Variants in NALF1 observed in about 807,000 individuals in gnomAD.
NALF1 encodes family with sequence similarity 155 member A.
In NALF1, 3 loss-of-function variants were observed where a neutral mutation model predicts 48.4. The observed-to-expected ratio is 0.06, with a 90% CI of 0.03 to 0.16. NALF1 has a LOEUF of 0.16. Among genes scored for constraint, NALF1 ranks in the 10% least tolerant of loss-of-function variants. The pLI is 1.00. For missense variants in NALF1, 526 were observed against 571.5 expected, an observed-to-expected ratio of 0.92 and a Z score of 0.81; for synonymous variants, 262 against 245.7, an observed-to-expected ratio of 1.07 and a Z score of -0.62.
At position 107,165,223 on chromosome 13, in the gene NALF1, A is replaced by G. The variant is rs1300754470; in HGVS notation, c.*5274T>C. 6.6e-6 allele frequency: 1 copy of G among 152,238 alleles called. No individual in the cohort carries two copies. Among genetic ancestry groups the G allele is most frequent in the African/African-American group, 2.4e-5 (1 of 41,462 alleles). 9.4% of individuals were successfully genotyped at this position (152,238 alleles called of 1,614,324 possible). A position where few individuals can be genotyped will look rare whatever the true frequency, so the allele number is the denominator to read the frequency against. ...ACAGCAAAGTCATGGAACAAAATGT[A>G]ACATGACAAACGAACTCTGAGACAT... On this transcript the variant is annotated 3_prime_UTR_variant, in exon 3 of 3. Coordinates refer to ENST00000375915, the MANE Select transcript of NALF1 (RefSeq NM_001080396.3).
intron 1 of NALF1, among the ~76,000 whole-genome samples, chr13:107,700,320 A>C (rs2138510987): frequency 6.6e-6 from 1 of 152,200 alleles, no homozygotes; most frequent in South Asian, 2.1e-4. Flanking sequence ...AAACCAATGG[A>C]ACAGAACAGA....
intron 1 of NALF1, among the ~76,000 whole-genome samples, chr13:107,376,681 T>C (rs1025808239): frequency 6.6e-6 from 1 of 152,198 alleles, no homozygotes; most frequent in African/African-American, 2.4e-5. Flanking sequence ...TGATCTGCAA[T>C]GAATTGAGCT....
At position 107,655,715 on chromosome 13, in the gene NALF1, GA is replaced by G. The variant is rs369418093; in HGVS notation, c.915+209966del. 1.6e-3 allele frequency among the ~76,000 whole-genome samples: 233 copies of G among 148,510 alleles called. 2 individuals carry two copies. The highest frequency in any genetic ancestry group is 5.5e-3 in the African/African-American group (225 of 40,620). ...GCCTACATAACCAAAGCAAGACTAA[GA>G]AAAAAAAAATTGTGGAGGCATCACA... On this transcript the variant is annotated intron_variant, in intron 1 of 2. Coordinates refer to ENST00000375915, the MANE Select transcript of NALF1 (RefSeq NM_001080396.3).
intron 1 of NALF1, among the ~76,000 whole-genome samples, chr13:107,484,353 A>G (rs1416383299): frequency 1.3e-5 from 2 of 152,142 alleles, no homozygotes; most frequent in African/African-American, 4.8e-5. Context: ...GGGAATGGTC[A>G]TGTTTTCAAT....
rs397955378 is a variant in NALF1, at chr13:107,310,409, C to CAAAA, written c.916-99658_916-99655dup. On this transcript the variant is annotated intron_variant, in intron 1 of 2. Transcript: ENST00000375915. ...AGGGAGACAGAGCGAGATTCCATCT[C>CAAAA]AAAAAAAAAAAAAAAAGTAATTTCT... is the stretch of plus-strand genomic sequence containing the variant. Among the ~76,000 whole-genome samples the CAAAA allele has an allele frequency of 5.6e-4, 45 of 80,058 alleles. 1 individual carries two copies. The South Asian group carries it at 0.013, about 23-fold the overall frequency. The allele number at this position is 80,058 out of a possible 152,430, so 52.5% of individuals were successfully genotyped here.
chr13:107,385,080 G>T (rs1244930058), intron 1 of NALF1, among the ~76,000 whole-genome samples: 1 of 152,120 alleles, frequency 6.6e-6, no homozygotes. Context: ...AGTGGCTTTG[G>T]CACATATTAA....
intron 1 of NALF1, among the ~76,000 whole-genome samples, chr13:107,269,252 G>C (rs943433046): frequency 6.6e-6 from 1 of 152,142 alleles, no homozygotes; most frequent in Non-Finnish European, 1.5e-5. Context: ...CAATAGTCAG[G>C]GGGGTTCACG....
chr13:107,310,403 C>T (rs971853780), intron 1 of NALF1, among the ~76,000 whole-genome samples: 1 of 142,852 alleles, frequency 7.0e-6, no homozygotes, highest in Admixed American at 7.1e-5. Flanking sequence ...GAGCGAGATT[C>T]CATCTCAAAA....
intron 1 of NALF1, among the ~76,000 whole-genome samples, chr13:107,586,409 C>T (rs1163341360): frequency 1.3e-5 from 2 of 151,918 alleles, no homozygotes; most frequent in African/African-American, 4.8e-5. Context: ...ATGTGACGGC[C>T]CTGTGATTCA....
intron 1 of NALF1, among the ~76,000 whole-genome samples, chr13:107,552,407 T>G (rs980920261): frequency 1.3e-5 from 2 of 152,196 alleles, no homozygotes; most frequent in South Asian, 2.1e-4. Flanking sequence ...AAATTGTGCA[T>G]TAGCAAATTA....
At chr13:107,818,469 C>T (rs1879241971) in intron 1 of NALF1, among the ~76,000 whole-genome samples, 1 of 152,154 alleles carries the variant, frequency 6.6e-6, no homozygotes, top group Admixed American at 6.5e-5. Flanking sequence ...GGTTGAGTCC[C>T]AGTCCCAAAG....
At chr13:107,852,540 C>T (rs1162147256) in intron 1 of NALF1, among the ~76,000 whole-genome samples, 2 of 152,024 alleles carry the variant, frequency 1.3e-5, no homozygotes, top group Non-Finnish European at 2.9e-5. Context: ...CCTTTAATGA[C>T]GCTGGACAAT....
intron 1 of NALF1, among the ~76,000 whole-genome samples, chr13:107,603,049 A>T (rs1031725951): frequency 2.6e-5 from 4 of 152,188 alleles, no homozygotes; most frequent in Non-Finnish European, 4.4e-5. Flanking sequence ...TAAATTGAAA[A>T]TCATTTCTGA....
At chr13:107,358,744 T>C (rs1418078911) in intron 1 of NALF1, among the ~76,000 whole-genome samples, 4 of 152,314 alleles carry the variant, frequency 2.6e-5, no homozygotes, top group African/African-American at 7.2e-5. Flanking sequence ...ACATTCTCCA[T>C]GTGACATCTT....
chr13:107,352,618 C>G (rs1266652860), intron 1 of NALF1, among the ~76,000 whole-genome samples: 1 of 152,158 alleles, frequency 6.6e-6, no homozygotes, highest in African/African-American at 2.4e-5. Flanking sequence ...CTATAAAGAA[C>G]TAATCCCATT....
chr13:107,283,191 A>C lies in NALF1; in HGVS notation c.916-72436T>G, dbSNP rs117648332. Among the ~76,000 whole-genome samples the C allele has an allele frequency of 2.4e-3, 367 of 152,274 alleles. 12 individuals are homozygous for C. In the East Asian group the frequency reaches 0.039, roughly 16 times the overall value. ...TCTGGCTGGCTGTATTAACTAACTCATATAATTAGGCTGTATTCCTTGGGA... is the reference window on the plus strand; with the variant it reads ...TCTGGCTGGCTGTATTAACTAACTCCTATAATTAGGCTGTATTCCTTGGGA... On this transcript the variant is annotated intron_variant, in intron 1 of 2. Coordinates refer to ENST00000375915, the MANE Select transcript of NALF1 (RefSeq NM_001080396.3).
chr13:107,399,658 G>A (rs936725798), intron 1 of NALF1, among the ~76,000 whole-genome samples: 2 of 152,044 alleles, frequency 1.3e-5, no homozygotes, highest in Non-Finnish European at 2.9e-5. Context: ...AAACAGTGCA[G>A]CTCTTCACAC....
intron 1 of NALF1, among the ~76,000 whole-genome samples, chr13:107,759,245 G>A (rs1343044393): frequency 6.6e-6 from 1 of 152,144 alleles, no homozygotes; most frequent in Admixed American, 6.5e-5. Flanking sequence ...GTCTTGCTCT[G>A]TCACCCAGGC....
chr13:107,506,943 C>T (rs192366426), intron 1 of NALF1, among the ~76,000 whole-genome samples: 160 of 151,772 alleles, frequency 1.1e-3, no homozygotes, highest in African/African-American at 3.8e-3. Context: ...AAAGAAACAT[C>T]TATTTTTAAA....
Sources: gnomAD v4.1 joint callset for allele counts (sites outside exome capture counted in the v4.1 genomes callset) on GRCh38, gnomAD v4.1.1 for gene constraint, MANE v1.5 for transcripts, NCBI Gene and HGNC (gene_info 2026-07-23, HGNC 2026-07-21) for gene names.